Variants in UBA3 observed in about 807,000 individuals in gnomAD.
UBA3 encodes the protein NEDD8-activating enzyme E1 catalytic subunit.
In UBA3, 26 loss-of-function variants were observed where a neutral mutation model predicts 73.5. The ratio of observed to expected loss-of-function variants is 0.35; its 90% CI spans 0.26 to 0.49. The LOEUF is 0.49. Among genes scored for constraint, UBA3 ranks in the 20% least tolerant of loss-of-function variants. UBA3 has a pLI of 0.98. For synonymous variants in UBA3, 217 were observed against 191.2 expected (o/e 1.13, Z -1.11); for missense variants, 495 against 555.6 (o/e 0.89, Z 1.10).
Position 69,074,387 on chromosome 3 carries a change from A to G in UBA3, c.264+1043T>C, listed in dbSNP as rs532632501. 2.0e-3 allele frequency among the ~76,000 whole-genome samples: 299 copies of G among 152,320 alleles called. 3 individuals are homozygous for G. Among genetic ancestry groups the G allele is most frequent in the African/African-American group, 6.9e-3 (287 of 41,556 alleles). ...ATTTCATGTGAGATTTATCTCCCCA[A>G]TGAAACTTCAGATTGATTGAAGACA... On this transcript the variant is annotated intron_variant, in intron 4 of 17. Transcript: ENST00000361055.
In UBA3 at chr3:69,061,929, T is replaced by C. The variant is rs971340369; in HGVS notation, c.797-2A>G. The C allele has an allele frequency of 6.4e-6, 10 of 1,571,678 alleles. No homozygotes were observed. In the African/African-American group the frequency reaches 1.4e-4, roughly 22 times the overall value. On this transcript the variant is annotated splice_acceptor_variant, in intron 10 of 17. Transcript: ENST00000361055. LOFTEE classifies it high-confidence loss of function. ...CATCTCCATCTAATGGAACCCCTTC[T>C]GTTTAAAAAAAAAAAGGGAGAGAGA...
chr3:69,061,400 G>C (rs1286752961), intron 11 of UBA3, among the ~76,000 whole-genome samples: 1 of 152,176 alleles, frequency 6.6e-6, no homozygotes, highest in Non-Finnish European at 1.5e-5. Context: ...TTGCCATGTT[G>C]GTCAGACTGC....
chr3:69,077,920 T>C lies in UBA3; in HGVS notation c.63-2A>G. 1 of 1,613,340 alleles carries C rather than the reference T, an allele frequency of 6.2e-7. No homozygotes were observed. The highest frequency in any genetic ancestry group is 8.5e-7 in the Non-Finnish European group (1 of 1,179,818). ...CCACACCCACCATCAACAGCCATTC[T>C]GCACAGAACACAGTAAATTCAGCTG... On this transcript the variant is annotated splice_acceptor_variant, in intron 2 of 17. Transcript: ENST00000361055. LOFTEE classifies it high-confidence loss of function.
chr3:69,073,592 G>C (rs1339156088), intron 4 of UBA3, among the ~76,000 whole-genome samples: 1 of 151,746 alleles, frequency 6.6e-6, no homozygotes, highest in African/African-American at 2.4e-5. Context: ...TGGCATATGG[G>C]ATGGAGGCTC....
At chr3:69,065,271 G>A (rs1045764738) in intron 6 of UBA3, among the ~76,000 whole-genome samples, 3 of 151,326 alleles carry the variant, frequency 2.0e-5, no homozygotes, top group African/African-American at 4.9e-5. Context: ...TTCCCTACAG[G>A]GGCCTGTATT....
chr3:69,071,334 G>A, intron 5 of UBA3: 1 of 446,024 alleles, frequency 2.2e-6, no homozygotes, highest in South Asian at 3.2e-5. Context: ...ACATGTATTT[G>A]TTTACATAAC....
intron 2 of UBA3, chr3:69,079,812 T>C (rs535135683): frequency 2.7e-5 from 11 of 412,164 alleles, no homozygotes; most frequent in African/African-American, 4.2e-5. Context: ...CAATTTGGGA[T>C]GGAGGAAGAG....
chr3:69,079,874 C>T, intron 2 of UBA3: 2 of 502,430 alleles, frequency 4.0e-6, no homozygotes, highest in Non-Finnish European at 6.9e-6. Context: ...CCCCGGAGGG[C>T]CCCTGCAGGA....
At chr3:69,064,017 C>T (rs1480737447) in intron 7 of UBA3, 51 bp downstream of exon 7, 2 of 1,497,420 alleles carry the variant, frequency 1.3e-6, no homozygotes, top group Non-Finnish European at 1.8e-6. Context: ...TAGCTACCAA[C>T]TAAAAAATTC....
chr3:69,056,393 T>TA (rs1271366210), intron 14 of UBA3, 110 bp from the exon 15 acceptor site: 11 of 1,027,620 alleles, frequency 1.1e-5, no homozygotes, highest in South Asian at 2.0e-5. Context: ...ATATTTCCTA[T>TA]AAAAAAATTT....
chr3:69,061,521 G>A (rs1422082734), intron 11 of UBA3: 2 of 233,934 alleles, frequency 8.5e-6, no homozygotes, highest in African/African-American at 4.5e-5. Flanking sequence ...TCAATATATA[G>A]AATATTTGTC....
At position 69,058,812 on chromosome 3, in the gene UBA3, T is replaced by C. The variant is rs141886205; in HGVS notation, c.911-1503A>G. 1.0e-3 allele frequency among the ~76,000 whole-genome samples: 158 copies of C among 152,270 alleles called. 2 individuals are homozygous for C. The East Asian group carries it at 0.023, about 22-fold the overall frequency. On this transcript the variant is annotated intron_variant, in intron 11 of 17. Coordinates refer to ENST00000361055, the MANE Select transcript of UBA3 (RefSeq NM_003968.4). ...ATACTGAGAACAAGGGGAAAAATCA[T>C]AGAATAGATAGAACCACTGGCTTGT...
intron 3 of UBA3, among the ~76,000 whole-genome samples, chr3:69,075,770 T>G (rs1484556533): frequency 1.3e-5 from 2 of 152,158 alleles, no homozygotes; most frequent in Non-Finnish European, 2.9e-5. Flanking sequence ...CTCGCTCTTG[T>G]CACACAGGCT....
At chr3:69,078,634 C>T (rs1376793070) in intron 2 of UBA3, among the ~76,000 whole-genome samples, 1 of 152,070 alleles carries the variant, frequency 6.6e-6, no homozygotes, top group Non-Finnish European at 1.5e-5. Flanking sequence ...CCACCATACC[C>T]AGCCAATTTT....
intron 2 of UBA3, among the ~76,000 whole-genome samples, chr3:69,078,357 C>T (rs886978540): frequency 6.6e-6 from 1 of 152,186 alleles, no homozygotes; most frequent in Admixed American, 6.5e-5. Context: ...AATTCTGATG[C>T]TTATATGTCT....
rs1377459351 is a variant in UBA3, at chr3:69,055,209, ATCTC to A, written c.*224_*227del. 3.1e-6 allele frequency: 1 copy of A among 317,846 alleles called. No individual in the cohort carries two copies. Among genetic ancestry groups the A allele is most frequent in the Non-Finnish European group, 5.8e-6 (1 of 173,686 alleles). 19.7% of individuals were successfully genotyped at this position (317,846 alleles called of 1,614,324 possible). On this transcript the variant is annotated 3_prime_UTR_variant, in exon 18 of 18. Coordinates refer to ENST00000361055, the MANE Select transcript of UBA3 (RefSeq NM_003968.4). ...AAAAGAAGCAATACATTTGCTCATA[ATCTC>A]TCTCTCCAGGTATCATTTCTCATAT...
Position 69,080,097 on chromosome 3 carries a change from C to T in UBA3, c.62+15G>A, listed in dbSNP as rs1290667910. 1.2e-6 allele frequency: 2 copies of T among 1,607,616 alleles called. No individual in the cohort carries two copies. The highest frequency in any genetic ancestry group is 1.1e-5 in the South Asian group (1 of 90,878). ...GGGTCCCCGGAGAGGGCCCCGGCCT[C>T]CCGGCAGCACTAACTTCTCAGCCAG... On this transcript the variant is annotated intron_variant, in intron 2 of 17. Coordinates refer to ENST00000361055, the MANE Select transcript of UBA3 (RefSeq NM_003968.4).
chr3:69,078,353 G>A (rs1383960488), intron 2 of UBA3, among the ~76,000 whole-genome samples: 2 of 152,220 alleles, frequency 1.3e-5, no homozygotes, highest in African/African-American at 2.4e-5. Context: ...TCAGAATTCT[G>A]ATGCTTATAT....
intron 12 of UBA3, 29 bp downstream of exon 12, chr3:69,057,226 TA>T: frequency 6.3e-7 from 1 of 1,598,504 alleles, no homozygotes; most frequent in Non-Finnish European, 8.5e-7. Context: ...GAAAGCAAAA[TA>T]AACTAAGTGA....
Sources: allele counts gnomAD v4.1 joint callset (sites outside exome capture counted in the v4.1 genomes callset), GRCh38; gene constraint gnomAD v4.1.1; transcripts MANE v1.5; gene names NCBI Gene and HGNC (gene_info 2026-07-23, HGNC 2026-07-21).